Variants in KANSL2 observed in about 807,000 individuals in gnomAD.
The protein encoded by KANSL2 is NSL complex protein NSL2.
KANSL2 carries 34 observed loss-of-function variants against 55.6 expected under a neutral mutation model. The ratio of observed to expected loss-of-function variants is 0.61; its 90% CI spans 0.46 to 0.81. The LOEUF is 0.81. Ranked by LOEUF, KANSL2 falls within the 40% of genes least tolerant of loss-of-function variation. The probability of loss-of-function intolerance (pLI) is 0.00; values close to 1 mark genes in which losing one functional copy is unlikely to be tolerated. For synonymous variants in KANSL2, 209 were observed against 214.3 expected (o/e 0.98, Z 0.22); for missense variants, 502 against 609.9 (o/e 0.82, Z 1.86).
At chr12:48,677,659 T>A (rs945151450) in intron 4 of KANSL2, among the ~76,000 whole-genome samples, 1 of 151,714 alleles carries the variant, frequency 6.6e-6, no homozygotes, top group Admixed American at 6.6e-5. Flanking sequence ...TGGGTGCCTA[T>A]AATCCCAGCT....
chr12:48,675,517 T>C (rs972852348), intron 4 of KANSL2, among the ~76,000 whole-genome samples: 12 of 152,336 alleles, frequency 7.9e-5, no homozygotes, highest in Admixed American at 3.3e-4. Context: ...TAACCTAATA[T>C]AGAGTTTGTT....
chr12:48,662,848 AGTT>A (rs1450018826), intron 7 of KANSL2, among the ~76,000 whole-genome samples: 1 of 152,166 alleles, frequency 6.6e-6, no homozygotes, highest in Non-Finnish European at 1.5e-5. Context: ...CTGTAAACTG[AGTT>A]TTTTCCCTTA....
chr12:48,655,376 C>G (rs989484141), intron 8 of KANSL2, among the ~76,000 whole-genome samples: 12 of 152,100 alleles, frequency 7.9e-5, no homozygotes, highest in Non-Finnish European at 1.6e-4. Flanking sequence ...CAAGACCAGC[C>G]TGGGCAACAT....
At chr12:48,668,511 C>T (rs1297950512) in intron 6 of KANSL2, among the ~76,000 whole-genome samples, 1 of 152,160 alleles carries the variant, frequency 6.6e-6, no homozygotes, top group Non-Finnish European at 1.5e-5. Context: ...ACCAGCCTGA[C>T]CAACATGGAG....
intron 4 of KANSL2, among the ~76,000 whole-genome samples, chr12:48,675,802 T>C (rs944904670): frequency 6.6e-6 from 1 of 152,222 alleles, no homozygotes; most frequent in African/African-American, 2.4e-5. Flanking sequence ...TAAAATTATG[T>C]ACTAATTCCC....
intron 1 of KANSL2, chr12:48,681,962 C>T (rs1429329604): frequency 7.1e-6 from 5 of 702,856 alleles, no homozygotes; most frequent in Non-Finnish European, 1.3e-5. Context: ...CCGCCTTTGT[C>T]CCGGCCTGCC....
At chr12:48,667,575 G>T in intron 7 of KANSL2, 118 bp downstream of exon 7, 1 of 822,840 alleles carries the variant, frequency 1.2e-6, no homozygotes, top group Non-Finnish European at 2.1e-6. Flanking sequence ...GCAAACTGCT[G>T]GCCTTGATTC....
intron 7 of KANSL2, among the ~76,000 whole-genome samples, chr12:48,667,302 AT>A (rs1395650929): frequency 6.6e-6 from 1 of 152,186 alleles, no homozygotes; most frequent in Non-Finnish European, 1.5e-5. Context: ...ACCCACAGTA[AT>A]TTTTTAAGTT....
In KANSL2 at chr12:48,681,260, A is replaced by AC. The variant is rs1223268655; in HGVS notation, c.251+121dup. 6.1e-6 allele frequency: 7 copies of AC among 1,155,802 alleles called. No homozygotes were observed. The African/African-American group carries it at 1.1e-4, about 18-fold the overall frequency. The allele number at this position is 1,155,802 out of a possible 1,614,324, so 71.6% of individuals were successfully genotyped here. ...ACCGTTTTTTCAGTTTTCCAAGGAT[A>AC]CAACCATAACCCCAAATTTACAAGG... On this transcript the variant is annotated intron_variant, in intron 2 of 9. Transcript: ENST00000420613.
chr12:48,681,853 C>T (rs1306136822), intron 1 of KANSL2: 5 of 706,472 alleles, frequency 7.1e-6, no homozygotes, highest in Non-Finnish European at 1.0e-5. Flanking sequence ...CACCCCGAAC[C>T]ACACCACGCT....
At chr12:48,664,879 CTTTTTTTTTT>C in intron 7 of KANSL2, among the ~76,000 whole-genome samples, 1 of 94,664 alleles carries the variant, frequency 1.1e-5, no homozygotes, top group Non-Finnish European at 2.1e-5. Context: ...ACTGCGCCCG[CTTTTTTTTTT>C]TTTTTTTTTT....
At position 48,682,044 on chromosome 12, in the gene KANSL2, G is replaced by A. The variant is rs553680085; in HGVS notation, c.-10+143C>T. On this transcript the variant is annotated intron_variant, in intron 1 of 9. Transcript: ENST00000420613. ...ATTTTGTCCTACGGCTCCAGTCACCGGAGATCCTGGCTCCTGGAAGCCTGC... is the reference window on the plus strand; with the variant it reads ...ATTTTGTCCTACGGCTCCAGTCACCAGAGATCCTGGCTCCTGGAAGCCTGC... The A allele has an allele frequency of 2.7e-4, 192 of 703,016 alleles. 2 individuals carry two copies. Among genetic ancestry groups the A allele is most frequent in the South Asian group, 2.7e-3 (183 of 67,600 alleles). The allele number at this position is 703,016 out of a possible 1,614,324, so 43.5% of individuals were successfully genotyped here. A position where few individuals can be genotyped will look rare whatever the true frequency, so the allele number is the denominator to read the frequency against.
chr12:48,680,702 T>C (rs1261693030), intron 2 of KANSL2, among the ~76,000 whole-genome samples: 1 of 152,032 alleles, frequency 6.6e-6, no homozygotes, highest in African/African-American at 2.4e-5. Context: ...AGGGGCCAGG[T>C]GCGGTGGCTC....
chr12:48,671,767 C>T, intron 5 of KANSL2, 32 bp downstream of exon 5: 1 of 1,588,254 alleles, frequency 6.3e-7, no homozygotes, highest in South Asian at 1.1e-5. Context: ...GTTAAACCCA[C>T]AACAGCTTGT....
At chr12:48,662,140 T>C (rs527881234) in intron 7 of KANSL2, among the ~76,000 whole-genome samples, 1 of 152,352 alleles carries the variant, frequency 6.6e-6, no homozygotes, top group South Asian at 2.1e-4. Context: ...AGTCTCGCTC[T>C]GTCACCCAGG....
intron 7 of KANSL2, among the ~76,000 whole-genome samples, chr12:48,667,245 T>C (rs1020117563): frequency 1.3e-5 from 2 of 152,094 alleles, no homozygotes; most frequent in Non-Finnish European, 2.9e-5. Context: ...AAAAGGATAA[T>C]ACTAGAAGTT....
Position 48,681,565 on chromosome 12 carries a change from T to C in KANSL2, c.68A>G (p.Gln23Arg). The C allele has an allele frequency of 3.1e-6, 5 of 1,613,898 alleles. No individual in the cohort carries two copies. The highest frequency in any genetic ancestry group is 4.2e-6 in the Non-Finnish European group (5 of 1,179,790). Reference protein sequence around the residue: ...RGRITPVPRSQEPLSCAFTHR... With the variant: ...RGRITPVPRSREPLSCAFTHR... ...AGTGAATGCACAAGACAGAGGTTCC[T>C]GAGACCTGGGCACTGGAGTGATCCT... The change falls in exon 2 of 10, where the codon CAG becomes CGG. Residue 23 changes from glutamine (Q) to arginine (R), a missense_variant. Coordinates refer to ENST00000420613, the MANE Select transcript of KANSL2 (RefSeq NM_017822.4).
chr12:48,666,760 C>G (rs1467736609), intron 7 of KANSL2, among the ~76,000 whole-genome samples: 2 of 151,360 alleles, frequency 1.3e-5, no homozygotes, highest in Non-Finnish European at 2.9e-5. Flanking sequence ...ATACATAGTC[C>G]CAGCTATTCA....
chr12:48,660,087 C>A (rs1046045195), intron 8 of KANSL2, among the ~76,000 whole-genome samples: 2 of 151,912 alleles, frequency 1.3e-5, no homozygotes, highest in Non-Finnish European at 2.9e-5. Context: ...CGTAACTTTG[C>A]GAATATACTA....
Sources: gnomAD v4.1 joint callset for allele counts (sites outside exome capture counted in the v4.1 genomes callset) on GRCh38, gnomAD v4.1.1 for gene constraint, MANE v1.5 for transcripts, NCBI Gene and HGNC (gene_info 2026-07-23, HGNC 2026-07-21) for gene names.